HTR4: variants seen among roughly 807,000 people sequenced by gnomAD.
HTR4 encodes 5-hydroxytryptamine (serotonin) receptor 4, G protein-coupled.
A neutral mutation model predicts 36.8 loss-of-function variants in HTR4; 16 were observed. That is an observed-to-expected ratio of 0.43 (90% CI 0.29 to 0.66). The LOEUF (loss-of-function observed/expected upper bound fraction) is 0.66, where lower values mean the gene tolerates loss of function less well. HTR4 is among the 30% of genes least tolerant of loss of function. HTR4 has a pLI of 0.13. For missense variants in HTR4, 438 were observed against 490.9 expected (o/e 0.89, Z 1.02); for synonymous variants, 189 against 185.1 (o/e 1.02, Z -0.17).
At chr5:148,490,723 C>T (rs1756377937) in intron 6 of HTR4, 1 of 1,264,160 alleles carries the variant, frequency 7.9e-7, no homozygotes, top group African/African-American at 1.6e-5. Context: ...TAGGAACTCC[C>T]TAGTAAGGCA....
Position 148,615,712 on chromosome 5 carries a change from TA to T in HTR4, c.26+21276del, listed in dbSNP as rs898413356. ...AAAAATAAAGAAAGAAAGAAAGAAA[TA>T]AAATAAAATAAAATAAAATAAAATA... On this transcript the variant is annotated intron_variant, in intron 2 of 6. Coordinates refer to ENST00000377888, the MANE Select transcript of HTR4 (RefSeq NM_000870.7). 3.7e-3 allele frequency among the ~76,000 whole-genome samples: 542 copies of T among 147,004 alleles called. 3 individuals carry two copies. Among genetic ancestry groups the T allele is most frequent in the African/African-American group, 0.013 (521 of 39,784 alleles).
chr5:148,604,242 T>C (rs1213694067), intron 2 of HTR4, among the ~76,000 whole-genome samples: 1 of 152,114 alleles, frequency 6.6e-6, no homozygotes, highest in East Asian at 1.9e-4. Context: ...GGAGAATATA[T>C]TTGCAACATG....
At chr5:148,627,037 G>A (rs763162809) in intron 2 of HTR4, among the ~76,000 whole-genome samples, 18 of 152,132 alleles carry the variant, frequency 1.2e-4, no homozygotes, top group African/African-American at 3.1e-4. Flanking sequence ...ATGATCTACC[G>A]GAAATGCTAC....
At chr5:148,507,581 A>T (rs1757287110) in intron 6 of HTR4, among the ~76,000 whole-genome samples, 1 of 152,078 alleles carries the variant, frequency 6.6e-6, no homozygotes, top group South Asian at 2.1e-4. Flanking sequence ...TTTCTTCAAA[A>T]AAAAAAAAGA....
chr5:148,554,136 C>T (rs1468044310), intron 2 of HTR4, among the ~76,000 whole-genome samples: 3 of 152,128 alleles, frequency 2.0e-5, no homozygotes, highest in Non-Finnish European at 2.9e-5. Flanking sequence ...AGTGCAATGG[C>T]GCGATCTTGG....
At chr5:148,556,822 G>A (rs2113860048) in intron 2 of HTR4, among the ~76,000 whole-genome samples, 1 of 152,250 alleles carries the variant, frequency 6.6e-6, no homozygotes, top group East Asian at 1.9e-4. Context: ...GTGTAAACAT[G>A]ACATTATGAT....
chr5:148,479,551 T>C (rs1264055166), downstream of HTR4, among the ~76,000 whole-genome samples: 1 of 152,188 alleles, frequency 6.6e-6, no homozygotes, highest in African/African-American at 2.4e-5. Flanking sequence ...AAAAAATCTA[T>C]GTAGGCTCCA....
chr5:148,546,296 C>T (rs1759380640), intron 4 of HTR4, among the ~76,000 whole-genome samples: 1 of 152,152 alleles, frequency 6.6e-6, no homozygotes. Flanking sequence ...CAATTTATAC[C>T]TAACTGTAGT....
At chr5:148,510,995 T>G (rs1407461506) in intron 5 of HTR4, among the ~76,000 whole-genome samples, 2 of 152,196 alleles carry the variant, frequency 1.3e-5, no homozygotes, top group African/African-American at 4.8e-5. Context: ...CACTCAATGC[T>G]TCAACTTACT....
At chr5:148,582,885 G>A (rs1012332089) in intron 2 of HTR4, among the ~76,000 whole-genome samples, 3 of 152,000 alleles carry the variant, frequency 2.0e-5, no homozygotes, top group African/African-American at 7.3e-5. Flanking sequence ...TGCAAACAGG[G>A]ACAATTTGAC....
chr5:148,520,972 A>G, intron 5 of HTR4: 1 of 1,367,774 alleles, frequency 7.3e-7, no homozygotes, highest in Non-Finnish European at 9.8e-7. Flanking sequence ...TCCTTGAAAA[A>G]GAACAAGGCA....
chr5:148,456,452 T>C (rs1479921326), intron 5 of HTR4, among the ~76,000 whole-genome samples: 3 of 152,164 alleles, frequency 2.0e-5, no homozygotes, highest in Non-Finnish European at 2.9e-5. Flanking sequence ...CATCCTCAAT[T>C]TGGGAAATAT....
At position 148,550,114 on chromosome 5, in the gene HTR4, A is replaced by G. The variant is rs1561613419; in HGVS notation, c.152+23T>C. On this transcript the variant is annotated intron_variant, in intron 3 of 6. Transcript: ENST00000377888. ...AGCTCAGAACTCCCATGTTTCCTCAAAAGGTTCCCTCCTGCTGCTCACCTG... is the reference window on the plus strand; with the variant it reads ...AGCTCAGAACTCCCATGTTTCCTCAGAAGGTTCCCTCCTGCTGCTCACCTG... The G allele has an allele frequency of 2.5e-6, 4 of 1,613,490 alleles. No homozygotes were observed. In the African/African-American group the frequency reaches 4.0e-5, roughly 16 times the overall value.
At chr5:148,525,880 G>A (rs977896512) in intron 4 of HTR4, among the ~76,000 whole-genome samples, 2 of 152,142 alleles carry the variant, frequency 1.3e-5, no homozygotes, top group African/African-American at 4.8e-5. Context: ...GGTCTTCAGG[G>A]TGATCCTGAA....
At chr5:148,481,505 A>G (rs1184851979), downstream of HTR4, 10 of 1,433,650 alleles carry the variant, frequency 7.0e-6, no homozygotes, top group Non-Finnish European at 9.3e-6. Flanking sequence ...TTTCTCCCCA[A>G]CAGAATTAAG....
chr5:148,510,325 A>G (rs1581402551), intron 5 of HTR4, among the ~76,000 whole-genome samples: 1 of 152,292 alleles, frequency 6.6e-6, no homozygotes, highest in East Asian at 1.9e-4. Context: ...GGGCCCAGAG[A>G]ACTTATCTGT....
At chr5:148,502,299 C>T (rs1756971535) in intron 6 of HTR4, among the ~76,000 whole-genome samples, 1 of 152,182 alleles carries the variant, frequency 6.6e-6, no homozygotes, top group African/African-American at 2.4e-5. Flanking sequence ...AGAGATGAAG[C>T]TTCCAGAGGA....
intron 5 of HTR4, among the ~76,000 whole-genome samples, chr5:148,470,376 A>G (rs1031270598): frequency 1.4e-4 from 22 of 152,252 alleles, no homozygotes; most frequent in African/African-American, 5.3e-4. Flanking sequence ...GCTCAAGATC[A>G]TACTGACGGT....
intron 5 of HTR4, among the ~76,000 whole-genome samples, chr5:148,456,901 G>T (rs1434587034): frequency 6.6e-6 from 1 of 152,170 alleles, no homozygotes; most frequent in Non-Finnish European, 1.5e-5. Flanking sequence ...TGATGATTGA[G>T]GTAGAACTTG....
Sources: allele counts gnomAD v4.1 joint callset (sites outside exome capture counted in the v4.1 genomes callset), GRCh38; gene constraint gnomAD v4.1.1; transcripts MANE v1.5; gene names NCBI Gene and HGNC (gene_info 2026-07-23, HGNC 2026-07-21).